The following COL28A1 variants were observed in gnomAD, a reference collection of about 807,000 sequenced individuals.
COL28A1 encodes collagen type XXVIII alpha 1 chain, also known as collagen alpha-1(XXVIII) chain.
A neutral mutation model predicts 150.2 loss-of-function variants in COL28A1; 161 were observed. The ratio of observed to expected loss-of-function variants is 1.07; its 90% CI spans 0.94 to 1.22. The LOEUF is 1.22. Ranked by LOEUF, COL28A1 falls within the 50% of genes most tolerant of loss-of-function variation. The pLI, the probability that COL28A1 is intolerant of heterozygous loss-of-function variation, is 0.00. For missense variants in COL28A1, 1,617 were observed against 1,388.3 expected, an observed-to-expected ratio of 1.16 and a Z score of -2.62; for synonymous variants, 552 against 469.7, an observed-to-expected ratio of 1.18 and a Z score of -2.26.
chr7:7,503,083 A>C (rs533477530), intron 11 of COL28A1, among the ~76,000 whole-genome samples: 1 of 152,324 alleles, frequency 6.6e-6, no homozygotes, highest in African/African-American at 2.4e-5. Flanking sequence ...CCAGAAGGGA[A>C]GACAGATAGA....
chr7:7,436,551 A>G, intron 22 of COL28A1, 88 bp from the exon 23 acceptor site: 3 of 811,942 alleles, frequency 3.7e-6, no homozygotes, highest in Non-Finnish European at 6.6e-6. Flanking sequence ...GCCACTCTGT[A>G]AAGAGCTTAA....
At chr7:7,432,870 C>T (rs547932735) in intron 23 of COL28A1, among the ~76,000 whole-genome samples, 170 bp from the exon 24 acceptor site, 27 of 152,020 alleles carry the variant, frequency 1.8e-4, no homozygotes, top group Admixed American at 9.2e-4. Context: ...TTTAGTGCAT[C>T]GTAAATCAAG....
At chr7:7,346,072 G>A in the COL28A1 span, among the ~76,000 whole-genome samples, 1 of 151,850 alleles carries the variant, frequency 6.6e-6, no homozygotes, top group Non-Finnish European at 1.5e-5. Context: ...TTTATATTCA[G>A]AAGCTACTAA....
At chr7:7,340,289 A>G in the COL28A1 span, among the ~76,000 whole-genome samples, 2 of 152,166 alleles carry the variant, frequency 1.3e-5, no homozygotes, top group South Asian at 4.1e-4. Flanking sequence ...CATATCAAGA[A>G]AACTCCTGTT....
chr7:7,400,984 G>C (rs1218903139), intron 27 of COL28A1, among the ~76,000 whole-genome samples: 1 of 137,446 alleles, frequency 7.3e-6, no homozygotes, highest in Non-Finnish European at 1.6e-5. Flanking sequence ...GGGTGTGTGT[G>C]TGTGTGTGTG....
At chr7:7,513,631 C>T (rs1052194797) in intron 8 of COL28A1, among the ~76,000 whole-genome samples, 3 of 152,128 alleles carry the variant, frequency 2.0e-5, no homozygotes, top group South Asian at 4.1e-4. Flanking sequence ...AATTAGAAAG[C>T]AATTAATTTA....
intron 11 of COL28A1, among the ~76,000 whole-genome samples, chr7:7,493,447 A>C (rs1780035692): frequency 6.6e-6 from 1 of 152,188 alleles, no homozygotes; most frequent in Admixed American, 6.5e-5. Flanking sequence ...GCCTTAGTCA[A>C]GTACCAAGAG....
chr7:7,465,147 G>C (rs1258891272), intron 15 of COL28A1, among the ~76,000 whole-genome samples: 1 of 152,086 alleles, frequency 6.6e-6, no homozygotes, highest in Non-Finnish European at 1.5e-5. Context: ...AGCTCCCAGC[G>C]TGAGCGACGC....
At chr7:7,454,932 G>A (rs1562707436) in intron 16 of COL28A1, among the ~76,000 whole-genome samples, 1 of 152,118 alleles carries the variant, frequency 6.6e-6, no homozygotes, top group African/African-American at 2.4e-5. Context: ...GATTCCTAAT[G>A]TGTTAGACTA....
chr7:7,399,834 G>T (rs1443766485), intron 27 of COL28A1, among the ~76,000 whole-genome samples: 1 of 152,180 alleles, frequency 6.6e-6, no homozygotes, highest in Admixed American at 6.5e-5. Flanking sequence ...GTAACCGCAA[G>T]TTAGAAAAAT....
rs112624607 is a variant in COL28A1, at chr7:7,493,668, T to C, written c.1027-3022A>G. On this transcript the variant is annotated intron_variant, in intron 11 of 34. Transcript: ENST00000399429. ...AGCTCATGTTTATTCCCTTCCCATT[T>C]CCCCTTTTTCTTTCCTACAGAGATT... 8.8e-3 allele frequency among the ~76,000 whole-genome samples: 1,339 copies of C among 152,268 alleles called. 17 individuals are homozygous for C. The highest frequency in any genetic ancestry group is 0.03 in the African/African-American group (1,264 of 41,534).
intron 33 of COL28A1, among the ~76,000 whole-genome samples, chr7:7,364,921 G>C (rs1038076706): frequency 6.6e-6 from 1 of 152,048 alleles, no homozygotes; most frequent in Non-Finnish European, 1.5e-5. Context: ...CTCGTCTTCA[G>C]GTTGAACTTA....
intron 13 of COL28A1, among the ~76,000 whole-genome samples, chr7:7,487,765 C>T (rs980667651): frequency 2.0e-5 from 3 of 152,144 alleles, no homozygotes; most frequent in Admixed American, 6.5e-5. Flanking sequence ...CTATTCCACT[C>T]GAATCTGAGC....
intron 27 of COL28A1, among the ~76,000 whole-genome samples, chr7:7,384,107 GT>G (rs1782048915): frequency 6.6e-6 from 1 of 152,102 alleles, no homozygotes; most frequent in Non-Finnish European, 1.5e-5. Context: ...TGCCTCCCCA[GT>G]TCAACACCAG....
chr7:7,368,323 A>G (rs1396689870), intron 33 of COL28A1, among the ~76,000 whole-genome samples: 1 of 151,816 alleles, frequency 6.6e-6, no homozygotes, highest in Non-Finnish European at 1.5e-5. Flanking sequence ...CCTAGGCTAC[A>G]ATTAGACTGA....
At chr7:7,374,038 A>AAAAAATATATATATAT in intron 31 of COL28A1, among the ~76,000 whole-genome samples, 7 of 113,624 alleles carry the variant, frequency 6.2e-5, no homozygotes, top group African/African-American at 2.7e-4. Context: ...AAAAAAAAAA[A>AAAAAATATATATATAT]ATATATATAT....
intron 27 of COL28A1, among the ~76,000 whole-genome samples, chr7:7,408,613 C>T: frequency 6.6e-6 from 1 of 152,048 alleles, no homozygotes; most frequent in East Asian, 1.9e-4. Flanking sequence ...TATTACAGCC[C>T]CACCCAAGTG....
intron 27 of COL28A1, among the ~76,000 whole-genome samples, chr7:7,405,570 G>T (rs184950854): frequency 6.4e-4 from 98 of 152,226 alleles, no homozygotes; most frequent in African/African-American, 2.3e-3. Context: ...CTTTTATAAA[G>T]TCTTATAAAA....
At chr7:7,439,150 CATCA>C (rs1379208404) in intron 21 of COL28A1, among the ~76,000 whole-genome samples, 1 of 152,188 alleles carries the variant, frequency 6.6e-6, no homozygotes, top group Admixed American at 6.5e-5. Flanking sequence ...GCAGGGACTC[CATCA>C]GTCAGATTCA....
Sources: gnomAD v4.1 joint callset for allele counts (sites outside exome capture counted in the v4.1 genomes callset) on GRCh38, gnomAD v4.1.1 for gene constraint, MANE v1.5 for transcripts, NCBI Gene and HGNC (gene_info 2026-07-23, HGNC 2026-07-21) for gene names.